Variants in STXBP4 observed in about 807,000 individuals in gnomAD.
STXBP4 encodes the protein syntaxin-binding protein 4.
A neutral mutation model predicts 76.1 loss-of-function variants in STXBP4; 55 were observed. The observed-to-expected ratio is 0.72, with a 90% CI of 0.58 to 0.91. STXBP4 has a LOEUF of 0.91. Among genes scored for constraint, STXBP4 ranks in the 40% least tolerant of loss-of-function variants. The pLI, the probability that STXBP4 is intolerant of heterozygous loss-of-function variation, is 0.00. For missense variants in STXBP4, 618 were observed against 636.9 expected (o/e 0.97, Z 0.32); for synonymous variants, 201 against 220.2 (o/e 0.91, Z 0.77).
intron 8 of STXBP4, among the ~76,000 whole-genome samples, chr17:55,010,434 C>T (rs953248062): frequency 1.3e-5 from 2 of 152,016 alleles, no homozygotes; most frequent in African/African-American, 4.8e-5. Context: ...TCTGTGAATA[C>T]TCTGAGAATG....
intron 10 of STXBP4, among the ~76,000 whole-genome samples, chr17:55,042,461 C>A (rs1567734045): frequency 6.6e-6 from 1 of 151,888 alleles, no homozygotes; most frequent in Non-Finnish European, 1.5e-5. Flanking sequence ...ATCTAAAGGG[C>A]CCTGCTTTAA....
At chr17:55,209,297 G>A in the STXBP4 span, among the ~76,000 whole-genome samples, 2 of 152,160 alleles carry the variant, frequency 1.3e-5, no homozygotes, top group African/African-American at 4.8e-5. Flanking sequence ...CAATTCATCT[G>A]GGGAAGGAAA....
In STXBP4 at chr17:55,113,021, C is replaced by G. The variant is rs1287492698; in HGVS notation, c.1490-28289C>G. ...GGTGAGGGCACAAATACAATTTACT[C>G]GAACACCATTTTGAATGTCAATTTA... On this transcript the variant is annotated intron_variant, in intron 16 of 17. Transcript: ENST00000376352. 2.6e-5 allele frequency among the ~76,000 whole-genome samples: 4 copies of G among 152,160 alleles called. No individual in the cohort carries two copies. In the East Asian group the frequency reaches 7.7e-4, roughly 29 times the overall value.
the STXBP4 span, among the ~76,000 whole-genome samples, chr17:55,194,894 G>A: frequency 6.6e-6 from 1 of 152,284 alleles, no homozygotes; most frequent in East Asian, 1.9e-4. Context: ...GAGTGGAAGA[G>A]CCAGGGTAAT....
intron 17 of STXBP4, among the ~76,000 whole-genome samples, chr17:55,155,926 A>T (rs908310515): frequency 6.6e-6 from 1 of 152,142 alleles, no homozygotes; most frequent in African/African-American, 2.4e-5. Flanking sequence ...TACTAATATT[A>T]TTTTTTAAAA....
chr17:55,089,071 C>T (rs1206990403), intron 16 of STXBP4, among the ~76,000 whole-genome samples: 1 of 152,134 alleles, frequency 6.6e-6, no homozygotes, highest in African/African-American at 2.4e-5. Flanking sequence ...ATTTCTAGGT[C>T]TGTTTTTGCA....
downstream of STXBP4, among the ~76,000 whole-genome samples, chr17:55,178,325 T>G (rs2080438329): frequency 6.6e-6 from 1 of 152,192 alleles, no homozygotes; most frequent in African/African-American, 2.4e-5. Flanking sequence ...ACACATAAAT[T>G]CAGATAAATT....
intron 17 of STXBP4, among the ~76,000 whole-genome samples, chr17:55,156,103 T>G (rs1292144765): frequency 6.6e-6 from 1 of 152,188 alleles, no homozygotes; most frequent in Non-Finnish European, 1.5e-5. Context: ...TTTAGGAGAA[T>G]TTGCCAGAGG....
intron 17 of STXBP4, among the ~76,000 whole-genome samples, chr17:55,147,156 A>G (rs1282419342): frequency 2.6e-5 from 4 of 152,212 alleles, no homozygotes; most frequent in African/African-American, 4.8e-5. Context: ...TGAATATTCA[A>G]TTATACCAGC....
At chr17:55,201,837 T>A in the STXBP4 span, among the ~76,000 whole-genome samples, 1 of 152,238 alleles carries the variant, frequency 6.6e-6, no homozygotes, top group Non-Finnish European at 1.5e-5. Flanking sequence ...TGAGCATGCA[T>A]GAACACAGTT....
At chr17:55,120,922 A>G (rs1720396898) in intron 16 of STXBP4, among the ~76,000 whole-genome samples, 1 of 152,188 alleles carries the variant, frequency 6.6e-6, no homozygotes, top group African/African-American at 2.4e-5. Context: ...CCTTGCACAC[A>G]GAAGTGGTGC....
At chr17:55,201,921 A>G in the STXBP4 span, among the ~76,000 whole-genome samples, 6 of 152,236 alleles carry the variant, frequency 3.9e-5, no homozygotes, top group Admixed American at 3.3e-4. Context: ...AGTGCTTATT[A>G]TGTTGCAGGG....
chr17:54,999,621 T>C lies in STXBP4; in HGVS notation c.288-11T>C, dbSNP rs780550828. The C allele has an allele frequency of 8.0e-5, 128 of 1,608,478 alleles. No homozygotes were observed. The highest frequency in any genetic ancestry group is 1.0e-4 in the Non-Finnish European group (121 of 1,177,132). ...TAGCATATCCATAAAGTGATTTCTT[T>C]TTAGTACTAGGTTAGAATCTGCTTG... is the stretch of plus-strand genomic sequence containing the variant. On this transcript the variant is annotated splice_polypyrimidine_tract_variant and intron_variant, in intron 5 of 17. Coordinates refer to ENST00000376352, the MANE Select transcript of STXBP4 (RefSeq NM_178509.6).
intron 3 of STXBP4, among the ~76,000 whole-genome samples, chr17:54,990,429 G>A (rs776827660): frequency 6.6e-6 from 1 of 152,112 alleles, no homozygotes; most frequent in Non-Finnish European, 1.5e-5. Flanking sequence ...TCTAGCTTGC[G>A]TGCTCCTTTT....
intron 14 of STXBP4, 131 bp from the exon 15 acceptor site, chr17:55,078,555 C>T: frequency 1.7e-6 from 1 of 603,432 alleles, no homozygotes; most frequent in Non-Finnish European, 2.9e-6. Context: ...CAATTGTTTG[C>T]ACCCCCGCTA....
chr17:55,137,337 G>A (rs995166390), intron 16 of STXBP4, among the ~76,000 whole-genome samples: 3 of 127,216 alleles, frequency 2.4e-5, no homozygotes, highest in African/African-American at 8.7e-5. Flanking sequence ...GATGCTAAAA[G>A]TTAAACCTAT....
At chr17:55,003,375 C>T (rs1342344034) in intron 7 of STXBP4, among the ~76,000 whole-genome samples, 1 of 152,098 alleles carries the variant, frequency 6.6e-6, no homozygotes, top group Non-Finnish European at 1.5e-5. Flanking sequence ...TAAGACGGAA[C>T]ATTTTTCTAG....
intron 16 of STXBP4, among the ~76,000 whole-genome samples, chr17:55,107,281 T>C (rs528335477): frequency 6.6e-6 from 1 of 152,328 alleles, no homozygotes; most frequent in East Asian, 1.9e-4. Flanking sequence ...GTTTTTCAGC[T>C]CCATCAGGTC....
At chr17:55,198,503 G>C in the STXBP4 span, among the ~76,000 whole-genome samples, 3 of 152,094 alleles carry the variant, frequency 2.0e-5, no homozygotes, top group Non-Finnish European at 2.9e-5. Context: ...TTTGATGAGA[G>C]ATTCTCAACT....
Sources: gnomAD v4.1 joint callset for allele counts (sites outside exome capture counted in the v4.1 genomes callset) on GRCh38, gnomAD v4.1.1 for gene constraint, MANE v1.5 for transcripts, NCBI Gene and HGNC (gene_info 2026-07-23, HGNC 2026-07-21) for gene names.